Variants in NMUR2 observed in about 807,000 individuals in gnomAD.
NMUR2 encodes neuromedin U receptor 2.
NMUR2 carries 24 observed loss-of-function variants against 25.1 expected under a neutral mutation model. The observed-to-expected ratio is 0.96, with a 90% CI of 0.69 to 1.34. The LOEUF (loss-of-function observed/expected upper bound fraction) is 1.34, where lower values mean the gene tolerates loss of function less well. Among genes scored for constraint, NMUR2 ranks in the 40% most tolerant of loss-of-function variants. The pLI is 0.00. For synonymous variants in NMUR2, 218 were observed against 208.1 expected (o/e 1.05, Z -0.41); for missense variants, 533 against 512.8 (o/e 1.04, Z -0.38).
chr5:152,401,015 G>A (rs1753241928), intron 1 of NMUR2, among the ~76,000 whole-genome samples: 1 of 152,206 alleles, frequency 6.6e-6, no homozygotes, highest in South Asian at 2.1e-4. Context: ...GAGGAAGAGT[G>A]AAAAATTGAT....
intron 3 of NMUR2, among the ~76,000 whole-genome samples, chr5:152,394,917 T>C (rs1753124390): frequency 6.9e-6 from 1 of 145,546 alleles, no homozygotes; most frequent in South Asian, 2.3e-4. Context: ...GTTCTCCAGA[T>C]CACTCAGAAT....
intron 1 of NMUR2, 84 bp from the exon 2 acceptor site, chr5:152,398,228 G>C: frequency 1.1e-6 from 1 of 922,392 alleles, no homozygotes. Context: ...TAACTCAAAC[G>C]CTCATTTTGA....
Position 152,395,572 on chromosome 5 carries a change from A to G in NMUR2, c.824T>C (p.Leu275Ser). The G allele has an allele frequency of 1.2e-6, 2 of 1,613,534 alleles. No homozygotes were observed. The highest frequency in any genetic ancestry group is 2.2e-5 in the East Asian group (1 of 44,854). Residue 275 changes from leucine (L) to serine (S), a missense_variant, in exon 3 of 4, where the codon TTA becomes TCA. Leu to Ser is a moderately radical substitution (Grantham distance 145). Transcript: ENST00000255262. ...CGGGGCCCAACAGATAGCAAACACT[A>G]AGACCAAGACAACTGAAAATGGATG... ...SVNKMLFVLV[L>S]VFAICWAPFH... is the part of the protein sequence containing the mutation.
chr5:152,395,202 C>T (rs537252605), intron 3 of NMUR2, among the ~76,000 whole-genome samples: 93 of 152,262 alleles, frequency 6.1e-4, no homozygotes, highest in Non-Finnish European at 1.1e-3. Flanking sequence ...CACTCCTTGA[C>T]CATTTTCCTT....
At chr5:152,392,553 G>T (rs1435303988) in intron 3 of NMUR2, 52 bp from the exon 4 acceptor site, 1 of 1,411,256 alleles carries the variant, frequency 7.1e-7, no homozygotes. Flanking sequence ...TAAGTGACCG[G>T]CATGAAGGAA....
At chr5:152,398,976 C>A (rs1453783918) in intron 1 of NMUR2, among the ~76,000 whole-genome samples, 2 of 152,140 alleles carry the variant, frequency 1.3e-5, no homozygotes, top group Non-Finnish European at 2.9e-5. Flanking sequence ...GCACAATCTT[C>A]CTTGCTCAGT....
In NMUR2 at chr5:152,404,228, G is replaced by A. The variant is rs367891614; in HGVS notation, c.726+160C>T. 8.7e-4 allele frequency among the ~76,000 whole-genome samples: 133 copies of A among 152,266 alleles called. 1 individual carries two copies. Among genetic ancestry groups the A allele is most frequent in the African/African-American group, 3.1e-3 (129 of 41,544 alleles). On this transcript the variant is annotated intron_variant, in intron 1 of 3. Coordinates refer to ENST00000255262, the MANE Select transcript of NMUR2 (RefSeq NM_020167.5). ...GTGGTTACCATTCATCTCATTTGAG[G>A]CAAGTCCTTTTAAGTCTCAATTTCC...
Position 152,395,532 on chromosome 5 carries a change from T to C in NMUR2, c.864A>G (p.Arg288=). 4 of 1,612,590 alleles carry C rather than the reference T, an allele frequency of 2.5e-6. No individual in the cohort carries two copies. Among genetic ancestry groups the C allele is most frequent in the Non-Finnish European group, 3.4e-6 (4 of 1,179,610 alleles). ...AICWAPFHID[R]LFFSFVEEWS... is the part of the protein sequence containing the mutation. ...ACTCCTCCACAAAGCTGAAGAAGAG[T>C]CGGTCAATGTGGAACGGGGCCCAAC... Residue 288 remains arginine (R), a synonymous_variant, in exon 3 of 4, where the codon CGA becomes CGG. Coordinates refer to ENST00000255262, the MANE Select transcript of NMUR2 (RefSeq NM_020167.5).
At position 152,404,898 on chromosome 5, in the gene NMUR2, C is replaced by A. The variant is rs144764631; in HGVS notation, c.216G>T (p.Gln72His). Residue 72 changes from glutamine to histidine, a missense_variant, in exon 1 of 4, where the codon CAG (glutamine) becomes CAT (histidine). By Grantham distance (24) the Gln-to-His change is conservative. Transcript: ENST00000255262. ...TGGTGGGCGTCTTCATAGCCTGGTGCTGCAGAATCACCAGGCACACCAGGA... is the reference window on the plus strand; with the variant it reads ...TGGTGGGCGTCTTCATAGCCTGGTGATGCAGAATCACCAGGCACACCAGGA... ...GNVLVCLVIL[Q>H]HQAMKTPTNY... 379 of 1,613,940 alleles carry A rather than the reference C, an allele frequency of 2.3e-4. No homozygotes were observed. Among genetic ancestry groups the A allele is most frequent in the Non-Finnish European group, 2.9e-4 (341 of 1,179,998 alleles).
chr5:152,403,762 CATATA>C (rs77928608), intron 1 of NMUR2, among the ~76,000 whole-genome samples: 30,610 of 147,844 alleles, frequency 0.21, 3,108 homozygotes, highest in East Asian at 0.29. Flanking sequence ...TGTAACTATA[CATATA>C]ATATATATAG....
intron 1 of NMUR2, 98 bp downstream of exon 1, chr5:152,404,290 C>A: frequency 2.1e-6 from 3 of 1,409,888 alleles, no homozygotes; most frequent in South Asian, 1.4e-5. Context: ...TGTTCCCTTC[C>A]ATTTCTGAAT....
Position 152,405,237 on chromosome 5 carries a change from G to A in NMUR2, c.-124C>T, listed in dbSNP as rs573330799. 3.4e-6 allele frequency: 4 copies of A among 1,173,244 alleles called. No homozygotes were observed. The African/African-American group carries it at 4.6e-5, about 13-fold the overall frequency. 72.7% of individuals were successfully genotyped at this position (1,173,244 alleles called of 1,614,324 possible). A position where few individuals can be genotyped will look rare whatever the true frequency, so the allele number is the denominator to read the frequency against. On this transcript the variant is annotated 5_prime_UTR_variant, in exon 1 of 4. In the 5' UTR this introduces an upstream ATG that the reference lacks. Coordinates refer to ENST00000255262, the MANE Select transcript of NMUR2 (RefSeq NM_020167.5). ...AGCAGTCACGAAAGTCACAGGCTTC[G>A]TAAGGAAGGCTGGGAGAGAGTGAGT...
intron 1 of NMUR2, among the ~76,000 whole-genome samples, chr5:152,402,031 G>T (rs925302443): frequency 1.6e-4 from 24 of 152,268 alleles, no homozygotes; most frequent in Admixed American, 5.9e-4. Flanking sequence ...AAGTAATTTG[G>T]CCTCATTCAT....
chr5:152,405,169 G>GAAA lies in NMUR2; in HGVS notation c.-57_-56insTTT. 8.3e-7 allele frequency: 1 copy of GAAA among 1,202,302 alleles called. No homozygotes were observed. Among genetic ancestry groups the GAAA allele is most frequent in the East Asian group, 2.8e-5 (1 of 35,832 alleles). 74.5% of individuals were successfully genotyped at this position (1,202,302 alleles called of 1,614,324 possible). Reference sequence around the variant, plus strand: ...CGAGGCTCTGTTTCAAGCTGAGCCAGGAAAAAAAAAAAAAAAAGAAAAAAG... The same window carrying GAAA: ...CGAGGCTCTGTTTCAAGCTGAGCCAGAAAGAAAAAAAAAAAAAAAAGAAAAAAG... On this transcript the variant is annotated 5_prime_UTR_variant, in exon 1 of 4. Transcript: ENST00000255262.
chr5:152,393,211 G>A (rs73799616), intron 3 of NMUR2, among the ~76,000 whole-genome samples: 2,298 of 152,256 alleles, frequency 0.015, 63 homozygotes, highest in African/African-American at 0.053. Flanking sequence ...CTAATATCCT[G>A]TGGCCTTAGA....
At chr5:152,402,432 A>T (rs1200610238) in intron 1 of NMUR2, among the ~76,000 whole-genome samples, 11 of 152,162 alleles carry the variant, frequency 7.2e-5, no homozygotes, top group Admixed American at 7.2e-4. Flanking sequence ...GGTACCCTGG[A>T]TAACAGCTCA....
At chr5:152,396,722 T>A (rs775139137) in intron 2 of NMUR2, among the ~76,000 whole-genome samples, 2 of 151,944 alleles carry the variant, frequency 1.3e-5, no homozygotes, top group African/African-American at 2.4e-5. Context: ...CAAAAGCCCG[T>A]CTTTACTAAA....
In NMUR2 at chr5:152,402,050, C is replaced by T. The variant is rs539411340; in HGVS notation, c.726+2338G>A. Among the ~76,000 whole-genome samples the T allele has an allele frequency of 1.1e-3, 160 of 152,204 alleles. 1 individual carries two copies. Among genetic ancestry groups the T allele is most frequent in the African/African-American group, 3.6e-3 (150 of 41,510 alleles). ...AATTTGGCCTCATTCATTCACTGAG[C>T]TTACAGTCTAGTTGGGGAGAAAACA... On this transcript the variant is annotated intron_variant, in intron 1 of 3. Transcript: ENST00000255262.
chr5:152,398,388 T>C (rs1300900849), intron 1 of NMUR2, among the ~76,000 whole-genome samples: 1 of 152,132 alleles, frequency 6.6e-6, no homozygotes, highest in Non-Finnish European at 1.5e-5. Context: ...TACAGTTATG[T>C]GGAAACTTGG....
Sources: gnomAD v4.1 joint callset for allele counts (sites outside exome capture counted in the v4.1 genomes callset) on GRCh38, gnomAD v4.1.1 for gene constraint, MANE v1.5 for transcripts, NCBI Gene and HGNC (gene_info 2026-07-23, HGNC 2026-07-21) for gene names.